GRHL2: variants seen among roughly 807,000 people sequenced by gnomAD.
The protein encoded by GRHL2 is grainyhead-like protein 2 homolog.
GRHL2 carries 21 observed loss-of-function variants against 83.8 expected under a neutral mutation model. The observed-to-expected ratio is 0.25, with a 90% CI of 0.18 to 0.36. The LOEUF (loss-of-function observed/expected upper bound fraction) is 0.36. Ranked by LOEUF, GRHL2 falls within the 10% of genes least tolerant of loss-of-function variation. The probability of loss-of-function intolerance (pLI) is 1.00; values close to 1 mark genes in which losing one functional copy is unlikely to be tolerated. For synonymous variants in GRHL2, 280 were observed against 278.9 expected (o/e 1.00, Z -0.04); for missense variants, 623 against 781.8 (o/e 0.80, Z 2.42).
At chr8:101,580,703 TATTTA>T (rs1231781580) in intron 7 of GRHL2, among the ~76,000 whole-genome samples, 1 of 152,080 alleles carries the variant, frequency 6.6e-6, no homozygotes, top group Non-Finnish European at 1.5e-5. Flanking sequence ...TATTTTATTT[TATTTA>T]TTTATTTATT....
chr8:101,500,615 T>C (rs1330805290), intron 1 of GRHL2, among the ~76,000 whole-genome samples: 1 of 152,126 alleles, frequency 6.6e-6, no homozygotes, highest in Non-Finnish European at 1.5e-5. Flanking sequence ...TTCAAGCAGT[T>C]CTCCTACCTC....
At chr8:101,654,046 T>C (rs1813732780) in intron 14 of GRHL2, among the ~76,000 whole-genome samples, 1 of 152,216 alleles carries the variant, frequency 6.6e-6, no homozygotes, top group South Asian at 2.1e-4. Context: ...CCCTACAGAC[T>C]ATTATTTCAT....
chr8:101,662,638 G>T (rs538609883), intron 14 of GRHL2, among the ~76,000 whole-genome samples: 2 of 152,328 alleles, frequency 1.3e-5, no homozygotes, highest in Non-Finnish European at 2.9e-5. Flanking sequence ...TGATTTGGGA[G>T]TAGAGAGGGT....
intron 8 of GRHL2, among the ~76,000 whole-genome samples, chr8:101,608,346 C>T (rs1272253056): frequency 6.6e-6 from 1 of 151,054 alleles, no homozygotes; most frequent in Non-Finnish European, 1.5e-5. Context: ...GTAATATCTC[C>T]TTTATTATCT....
intron 4 of GRHL2, among the ~76,000 whole-genome samples, chr8:101,564,242 C>G (rs555229653): frequency 6.6e-6 from 1 of 152,256 alleles, no homozygotes; most frequent in East Asian, 1.9e-4. Flanking sequence ...TGATCTTTAG[C>G]TATTTCATTG....
At chr8:101,635,964 C>A (rs1813275871) in intron 11 of GRHL2, among the ~76,000 whole-genome samples, 1 of 152,126 alleles carries the variant, frequency 6.6e-6, no homozygotes, top group South Asian at 2.1e-4. Context: ...GTTTCTCACC[C>A]AGGCAGGGGC....
At chr8:101,569,206 C>A (rs1025423722) in intron 4 of GRHL2, among the ~76,000 whole-genome samples, 1 of 152,140 alleles carries the variant, frequency 6.6e-6, no homozygotes, top group Non-Finnish European at 1.5e-5. Flanking sequence ...GGCTTTTGGT[C>A]GTCTACTTTT....
At chr8:101,540,671 C>G (rs867644162) in intron 1 of GRHL2, among the ~76,000 whole-genome samples, 2 of 152,132 alleles carry the variant, frequency 1.3e-5, no homozygotes, top group South Asian at 4.1e-4. Context: ...ACACAAAGGG[C>G]CCTTGACACA....
Position 101,577,743 on chromosome 8 carries a change from C to T in GRHL2, c.1003+224C>T, listed in dbSNP as rs568332936. The stretch of plus-strand genomic sequence containing the variant: ...TATTCTATGAAAGTCAACTGTGTCT[C>T]ATAAAATCATAGTCATATAGTTAGA... On this transcript the variant is annotated intron_variant, in intron 7 of 15. Transcript: ENST00000646743. Among the ~76,000 whole-genome samples the T allele has an allele frequency of 5.9e-5, 9 of 152,318 alleles. No individual in the cohort carries two copies. The South Asian group carries it at 1.2e-3, about 21-fold the overall frequency.
intron 1 of GRHL2, among the ~76,000 whole-genome samples, chr8:101,519,911 T>C (rs1473896357): frequency 6.6e-6 from 1 of 152,212 alleles, no homozygotes; most frequent in African/African-American, 2.4e-5. Context: ...AATTATTGTC[T>C]AATTATTGAA....
At chr8:101,558,957 G>A (rs111298491) in intron 4 of GRHL2, 145 bp downstream of exon 4, 1 of 866,526 alleles carries the variant, frequency 1.2e-6, no homozygotes, top group Admixed American at 2.2e-5. Context: ...TTTGTTGGTA[G>A]TCTGGCATTC....
intron 1 of GRHL2, among the ~76,000 whole-genome samples, chr8:101,522,848 AT>A (rs1180584933): frequency 6.6e-6 from 1 of 150,860 alleles, no homozygotes; most frequent in East Asian, 1.9e-4. Context: ...TTTAACTTTA[AT>A]TTCTAAATAG....
chr8:101,560,100 G>A (rs1201767040), intron 4 of GRHL2, among the ~76,000 whole-genome samples: 2 of 152,018 alleles, frequency 1.3e-5, no homozygotes, highest in Non-Finnish European at 2.9e-5. Context: ...CTGCCTCCCC[G>A]GTTCAAGCGA....
chr8:101,640,698 G>A lies in GRHL2; in HGVS notation c.1518-3433G>A, dbSNP rs113869531. On this transcript the variant is annotated intron_variant, in intron 12 of 15. Coordinates refer to ENST00000646743, the MANE Select transcript of GRHL2 (RefSeq NM_024915.4). ...GTCCTCTTTTTCCAGCTTGCAGCAA[G>A]GTCCCTTCAAGTCAAGCAGCTCTGT... is the stretch of plus-strand genomic sequence containing the variant. 7.9e-3 allele frequency among the ~76,000 whole-genome samples: 1,209 copies of A among 152,250 alleles called. 12 individuals carry two copies. Among genetic ancestry groups the A allele is most frequent in the African/African-American group, 0.027 (1,102 of 41,548 alleles).
intron 1 of GRHL2, among the ~76,000 whole-genome samples, chr8:101,513,499 G>T (rs868812732): frequency 1.2e-4 from 1 of 8,586 alleles, no homozygotes; most frequent in Non-Finnish European, 1.0e-3. Context: ...CTATCGTTGT[G>T]CTTTTTTTTT....
intron 1 of GRHL2, among the ~76,000 whole-genome samples, chr8:101,496,712 A>G (rs536421474): frequency 6.6e-6 from 1 of 152,342 alleles, no homozygotes; most frequent in East Asian, 1.9e-4. Context: ...GGTCTTTTGT[A>G]TAGGGTGATC....
At chr8:101,623,165 G>A (rs1191556087) in intron 9 of GRHL2, among the ~76,000 whole-genome samples, 1 of 152,240 alleles carries the variant, frequency 6.6e-6, no homozygotes, top group African/African-American at 2.4e-5. Flanking sequence ...GAACTGCACA[G>A]GGGTTAGGGA....
intron 14 of GRHL2, among the ~76,000 whole-genome samples, chr8:101,656,873 G>C (rs868391830): frequency 5.9e-4 from 87 of 147,354 alleles, no homozygotes; most frequent in Admixed American, 8.1e-4. Context: ...GTGTCTAACA[G>C]ACACACACAC....
intron 8 of GRHL2, among the ~76,000 whole-genome samples, chr8:101,600,760 G>T (rs574827326): frequency 1.3e-5 from 2 of 152,318 alleles, no homozygotes; most frequent in African/African-American, 4.8e-5. Flanking sequence ...TCTGGGGAGG[G>T]AGGCCTGGAA....
Sources: allele counts gnomAD v4.1 joint callset (sites outside exome capture counted in the v4.1 genomes callset), GRCh38; gene constraint gnomAD v4.1.1; transcripts MANE v1.5; gene names NCBI Gene and HGNC (gene_info 2026-07-23, HGNC 2026-07-21).